SVEP1: variants seen among roughly 807,000 people sequenced by gnomAD.
SVEP1 encodes the protein sushi, von Willebrand factor type A, EGF and pentraxin domain containing 1.
A neutral mutation model predicts 367.3 loss-of-function variants in SVEP1; 164 were observed. The ratio of observed to expected loss-of-function variants is 0.45; its 90% CI spans 0.39 to 0.51. The LOEUF (loss-of-function observed/expected upper bound fraction) is 0.51, where lower values mean the gene tolerates loss of function less well. SVEP1 is among the 20% of genes least tolerant of loss of function. The probability of loss-of-function intolerance (pLI) is 0.00; values close to 1 mark genes in which losing one functional copy is unlikely to be tolerated. For missense variants in SVEP1, 4,117 were observed against 4,425.3 expected (o/e 0.93, Z 1.98); for synonymous variants, 1,666 against 1,611.6 (o/e 1.03, Z -0.81).
At position 110,406,310 on chromosome 9, in the gene SVEP1, T is replaced by C. The variant is rs200661347; in HGVS notation, c.9290A>G (p.Gln3097Arg). ...TGTACAAATCAGATCTGAACTGCCT[T>C]GTATGACATATCCAGACCTGCAGCT... ...TYSCRSGYVI[Q>R]GSSDLICTEK... The change falls in exon 38 of 48, where the codon CAA (glutamine) becomes CGA (arginine). Residue 3097 changes from glutamine to arginine, a missense_variant. Coordinates refer to ENST00000374469, the MANE Select transcript of SVEP1 (RefSeq NM_153366.4). 1.6e-4 allele frequency: 251 copies of C among 1,613,952 alleles called. No homozygotes were observed. The highest frequency in any genetic ancestry group is 1.9e-4 in the Non-Finnish European group (222 of 1,179,912).
At chr9:110,485,957 G>T (rs1183951114) in intron 9 of SVEP1, among the ~76,000 whole-genome samples, 1 of 152,166 alleles carries the variant, frequency 6.6e-6, no homozygotes, top group Non-Finnish European at 1.5e-5. Context: ...TATTAGTGCA[G>T]ACCTTAGGTT....
chr9:110,446,183 T>C, intron 25 of SVEP1, 145 bp from the exon 26 acceptor site: 2 of 692,748 alleles, frequency 2.9e-6, no homozygotes, highest in South Asian at 3.9e-5. Flanking sequence ...ACATATTATT[T>C]ACAAAATACA....
chr9:110,489,396 C>A (rs190458052), intron 9 of SVEP1, among the ~76,000 whole-genome samples: 2 of 152,184 alleles, frequency 1.3e-5, no homozygotes, highest in African/African-American at 4.8e-5. Flanking sequence ...CTCACAATCA[C>A]GGCAGAAAGC....
intron 38 of SVEP1, among the ~76,000 whole-genome samples, chr9:110,405,870 T>A (rs187046196): frequency 6.6e-6 from 1 of 152,326 alleles, no homozygotes; most frequent in East Asian, 1.9e-4. Context: ...ATTCCGGAGC[T>A]TTTCAAGCTA....
intron 3 of SVEP1, among the ~76,000 whole-genome samples, chr9:110,527,256 C>T (rs748948584): frequency 6.6e-6 from 1 of 151,824 alleles, no homozygotes; most frequent in Non-Finnish European, 1.5e-5. Context: ...CTTAAAATTG[C>T]ATGTGACTCT....
Position 110,515,122 on chromosome 9 carries a change from C to A in SVEP1, c.965-1016G>T, listed in dbSNP as rs1358882803. ...TAGCTTTGAATTTGTAACTTAATCC[C>A]TCTGGAGTTATGCATCTGTAAAATA... On this transcript the variant is annotated intron_variant, in intron 3 of 47. Coordinates refer to ENST00000374469, the MANE Select transcript of SVEP1 (RefSeq NM_153366.4). Among the ~76,000 whole-genome samples, 4 of 152,180 alleles carry A rather than the reference C, an allele frequency of 2.6e-5. No homozygotes were observed. In the East Asian group the frequency reaches 7.7e-4, roughly 29 times the overall value.
At chr9:110,485,971 TATTTCACTGTAGACCAGTG>T (rs1829270899) in intron 9 of SVEP1, among the ~76,000 whole-genome samples, 1 of 152,216 alleles carries the variant, frequency 6.6e-6, no homozygotes, top group South Asian at 2.1e-4. Flanking sequence ...TTAGGTTTAT[TATTTCACTGTAGACCAGTG>T]ATGCAGTTTA....
intron 1 of SVEP1, among the ~76,000 whole-genome samples, chr9:110,562,848 C>T (rs1830448586): frequency 6.6e-6 from 1 of 152,088 alleles, no homozygotes; most frequent in Non-Finnish European, 1.5e-5. Context: ...TGCCACCGCA[C>T]CCGGCCAATT....
Position 110,468,969 on chromosome 9 carries a change from A to T in SVEP1, c.3131T>A (p.Ile1044Asn). ...ACAATCAGAGATGTTTCTTGAATGG[A>T]TATATTCCGTGTACATCCCAGAGGG... ...LCPSGMYTEYIHSRNISDCKA... is the reference protein window; with the variant it reads ...LCPSGMYTEYNHSRNISDCKA... The change falls in exon 17 of 48, where the codon ATC (isoleucine) becomes AAC (asparagine). Residue 1044 changes from isoleucine to asparagine, a missense_variant. Ile to Asn is a moderately radical substitution (Grantham distance 149). Coordinates refer to ENST00000374469, the MANE Select transcript of SVEP1 (RefSeq NM_153366.4). 1.2e-6 allele frequency: 2 copies of T among 1,612,460 alleles called. No individual in the cohort carries two copies. Among genetic ancestry groups the T allele is most frequent in the South Asian group, 1.1e-5 (1 of 90,682 alleles).
chr9:110,429,876 C>A lies in SVEP1; in HGVS notation c.5615+44G>T, dbSNP rs953805122. 2.6e-6 allele frequency: 4 copies of A among 1,520,434 alleles called. No homozygotes were observed. The African/African-American group carries it at 5.5e-5, about 21-fold the overall frequency. The allele number at this position is 1,520,434 out of a possible 1,614,324, so 94.2% of individuals were successfully genotyped here. A position where few individuals can be genotyped will look rare whatever the true frequency, so the allele number is the denominator to read the frequency against. Reference sequence around the variant, plus strand: ...TCAGTGTTATATCACTACCAGTATGCCATCAACATCTTCTACAATATAGTT... The same window carrying A: ...TCAGTGTTATATCACTACCAGTATGACATCAACATCTTCTACAATATAGTT... On this transcript the variant is annotated intron_variant, in intron 34 of 47. Coordinates refer to ENST00000374469, the MANE Select transcript of SVEP1 (RefSeq NM_153366.4).
At chr9:110,411,027 C>T (rs1442451802) in intron 37 of SVEP1, 36 bp downstream of exon 37, 5 of 1,507,900 alleles carry the variant, frequency 3.3e-6, no homozygotes, top group South Asian at 1.4e-5. Context: ...GGCCCTGTGA[C>T]AAAAGCCACA....
intron 27 of SVEP1, chr9:110,443,141 G>A (rs1828539169): frequency 6.4e-6 from 1 of 156,288 alleles, no homozygotes; most frequent in Non-Finnish European, 1.4e-5. Context: ...GTATTTTTTA[G>A]AAGACAAGCC....
intron 40 of SVEP1, among the ~76,000 whole-genome samples, chr9:110,396,528 A>C (rs1486083475): frequency 6.6e-6 from 1 of 152,148 alleles, no homozygotes; most frequent in Non-Finnish European, 1.5e-5. Flanking sequence ...TAGAGACACA[A>C]AAAACTCTTC....
chr9:110,433,602 G>T (rs974061348), intron 30 of SVEP1, among the ~76,000 whole-genome samples: 1 of 151,452 alleles, frequency 6.6e-6, no homozygotes, highest in Non-Finnish European at 1.5e-5. Context: ...CTACTGAGTA[G>T]CTGGAATTAC....
At chr9:110,523,507 A>G (rs972301154) in intron 3 of SVEP1, among the ~76,000 whole-genome samples, 1 of 152,200 alleles carries the variant, frequency 6.6e-6, no homozygotes, top group African/African-American at 2.4e-5. Flanking sequence ...AAGCCCTACC[A>G]TATCAATAAT....
chr9:110,377,188 A>G, intron 45 of SVEP1, 83 bp downstream of exon 45: 5 of 1,285,542 alleles, frequency 3.9e-6, no homozygotes, highest in Non-Finnish European at 4.4e-6. Context: ...CCAACAGTAC[A>G]ACCATTTCCT....
At chr9:110,373,308 C>T (rs1302069565) in intron 46 of SVEP1, among the ~76,000 whole-genome samples, 1 of 152,198 alleles carries the variant, frequency 6.6e-6, no homozygotes, top group Non-Finnish European at 1.5e-5. Context: ...TCTCTACATT[C>T]ATGAATGGCT....
rs751154397 is a variant in SVEP1 at position 110,408,600 on chromosome 9, C to T, written c.7000G>A (p.Val2334Ile). The T allele has an allele frequency of 4.3e-6, 7 of 1,613,486 alleles. No individual in the cohort carries two copies. In the African/African-American group the frequency reaches 9.4e-5, roughly 22 times the overall value. The change falls in exon 38 of 48, where the codon GTA becomes ATA. Residue 2334 changes from valine to isoleucine, a missense_variant. By Grantham distance (29) the Val-to-Ile change is conservative. Around this residue, in one of 4 missense-constraint regions of SVEP1, gnomAD observed 1,765 missense variants for 1,781.1 expected, o/e 0.99. Transcript: ENST00000374469. ...ACCTCGGTGGTCAACTCCTTTAATA[C>T]TAGCTGGTTTTCCAAGAGGGGCGGC... ...PEPPLLENQL[V>I]LKELTTEVGV... is the part of the protein sequence containing the mutation.
intron 1 of SVEP1, among the ~76,000 whole-genome samples, chr9:110,568,077 T>C (rs1038205938): frequency 6.6e-6 from 1 of 152,234 alleles, no homozygotes; most frequent in Non-Finnish European, 1.5e-5. Context: ...TTTATGGTGC[T>C]GTTGGCTAGC....
Sources: allele counts gnomAD v4.1 joint callset (sites outside exome capture counted in the v4.1 genomes callset), GRCh38; gene constraint gnomAD v4.1.1; regional missense constraint gnomAD v4.1.1; transcripts MANE v1.5; gene names NCBI Gene and HGNC (gene_info 2026-07-23, HGNC 2026-07-21).